Variants in PI16 observed in about 807,000 individuals in gnomAD.
PI16 encodes peptidase inhibitor 16, also known as PSP94-binding protein.
PI16 carries 35 observed loss-of-function variants against 38.0 expected under a neutral mutation model. That is an observed-to-expected ratio of 0.92 (90% CI 0.70 to 1.22). PI16 has a LOEUF of 1.22. Among genes scored for constraint, PI16 ranks in the 50% most tolerant of loss-of-function variants. The pLI, the probability that PI16 is intolerant of heterozygous loss-of-function variation, is 0.00. For missense variants in PI16, 572 were observed against 593.8 expected (o/e 0.96, Z 0.38); for synonymous variants, 275 against 252.9 (o/e 1.09, Z -0.83).
At chr6:36,957,699 G>GAT (rs1282508573) in intron 1 of PI16, among the ~76,000 whole-genome samples, 1 of 152,216 alleles carries the variant, frequency 6.6e-6, no homozygotes, top group Non-Finnish European at 1.5e-5. Flanking sequence ...TGGGGCTCCA[G>GAT]ATATCTAGTC....
intron 1 of PI16, among the ~76,000 whole-genome samples, chr6:36,957,607 G>A (rs1275188858): frequency 6.8e-6 from 1 of 147,284 alleles, no homozygotes; most frequent in Admixed American, 6.9e-5. Context: ...ATGTGGGTGG[G>A]TGCTGAGAGT....
intron 2 of PI16, among the ~76,000 whole-genome samples, chr6:36,960,325 ATGTG>A (rs10664545): frequency 0.064 from 8,914 of 139,902 alleles, 373 homozygotes; most frequent in African/African-American, 0.13. Context: ...TGCAGATAAG[ATGTG>A]TGTGTGTGTG....
Position 36,963,851 on chromosome 6 carries a change from C to G in PI16, c.1299C>G (p.Val433=). Residue 433 remains valine (V), a synonymous_variant, in exon 6 of 7, where the codon GTC becomes GTG. Coordinates refer to ENST00000373674, the MANE Select transcript of PI16 (RefSeq NM_153370.3). ...PGAEGPDKPS[V]VSGLNSGPGH... ...CAGAGGGCCCTGACAAGCCTAGCGTCGTGTCAGGGCTGAACTCGGGCCCTG... is the reference window on the plus strand; with the variant it reads ...CAGAGGGCCCTGACAAGCCTAGCGTGGTGTCAGGGCTGAACTCGGGCCCTG... 6.2e-7 allele frequency: 1 copy of G among 1,612,062 alleles called. No homozygotes were observed. Among genetic ancestry groups the G allele is most frequent in the Middle Eastern group, 1.7e-4 (1 of 6,044 alleles).
intron 1 of PI16, among the ~76,000 whole-genome samples, 200 bp downstream of exon 1, chr6:36,955,131 C>T (rs940124388): frequency 3.3e-5 from 5 of 152,136 alleles, no homozygotes; most frequent in Non-Finnish European, 7.3e-5. Flanking sequence ...CTTTTGCACC[C>T]GCCTAATAAA....
In PI16 at chr6:36,961,985, G is replaced by A. The variant is rs912407065; in HGVS notation, c.592+11G>A. ...AGAACTCCCTCTGTGGTGAGTCCAC[G>A]GGTGGATGGGTAGGGGCAGGGGGTG... On this transcript the variant is annotated intron_variant, in intron 4 of 6. Transcript: ENST00000373674. The A allele has an allele frequency of 6.2e-7, 1 of 1,606,574 alleles. No individual in the cohort carries two copies. Among genetic ancestry groups the A allele is most frequent in the Non-Finnish European group, 8.5e-7 (1 of 1,173,246 alleles).
rs1763157794 is a variant in PI16 at position 36,954,743 on chromosome 6, G to A, written c.-18G>A. The A allele has an allele frequency of 6.2e-7, 1 of 1,604,856 alleles. No homozygotes were observed. The highest frequency in any genetic ancestry group is 1.7e-5 in the Admixed American group (1 of 59,034). ...CTGCCAGACCCCTGGACGGGAGAAGGAGAGACGGCTGGCCACCATGCACGG... is the reference window on the plus strand; with the variant it reads ...CTGCCAGACCCCTGGACGGGAGAAGAAGAGACGGCTGGCCACCATGCACGG... On this transcript the variant is annotated 5_prime_UTR_variant, in exon 1 of 7. Transcript: ENST00000373674.
intron 1 of PI16, among the ~76,000 whole-genome samples, chr6:36,949,611 T>C (rs945195370): frequency 2.0e-5 from 3 of 152,184 alleles, no homozygotes; most frequent in African/African-American, 7.2e-5. Context: ...TCAAATAGCG[T>C]CCCTTTCTCC....
upstream of PI16, among the ~76,000 whole-genome samples, chr6:36,951,583 G>A (rs1456925329): frequency 6.6e-6 from 1 of 152,130 alleles, no homozygotes; most frequent in East Asian, 1.9e-4. Flanking sequence ...TTGTTGTTGA[G>A]TTGTAGGAGT....
At chr6:36,959,710 C>T (rs549803507) in intron 2 of PI16, among the ~76,000 whole-genome samples, 8 of 151,858 alleles carry the variant, frequency 5.3e-5, no homozygotes, top group East Asian at 1.9e-4. Context: ...CCTGTCCCTA[C>T]AAAAAAATAC....
chr6:36,950,647 G>A (rs1463200343), upstream of PI16, among the ~76,000 whole-genome samples: 2 of 151,920 alleles, frequency 1.3e-5, no homozygotes, highest in Non-Finnish European at 2.9e-5. This position sits in a 1 kb window ranked among gnomAD's most constrained non-coding sequence, Gnocchi z 4.2. Flanking sequence ...GGGTTCAAGC[G>A]ATTCTCCTGC....
chr6:36,962,111 C>G lies in PI16; in HGVS notation c.592+137C>G. ...TGGTGGGATGCGACCACCGGGGGCCCCTGGCGGCTCCCTTAGCCCCCCACG... is the reference window on the plus strand; with the variant it reads ...TGGTGGGATGCGACCACCGGGGGCCGCTGGCGGCTCCCTTAGCCCCCCACG... On this transcript the variant is annotated intron_variant, in intron 4 of 6. Coordinates refer to ENST00000373674, the MANE Select transcript of PI16 (RefSeq NM_153370.3). This position sits in a 1 kb window ranked among gnomAD's most constrained non-coding sequence, Gnocchi z 4.1. 3.1e-6 allele frequency: 2 copies of G among 638,852 alleles called. No homozygotes were observed. Among genetic ancestry groups the G allele is most frequent in the Non-Finnish European group, 5.5e-6 (2 of 362,648 alleles). The allele number at this position is 638,852 out of a possible 1,614,324, so 39.6% of individuals were successfully genotyped here. A position where few individuals can be genotyped will look rare whatever the true frequency, so the allele number is the denominator to read the frequency against.
chr6:36,958,144 C>CA (rs1763253606), intron 1 of PI16, among the ~76,000 whole-genome samples: 1 of 152,218 alleles, frequency 6.6e-6, no homozygotes, highest in African/African-American at 2.4e-5. Context: ...CAGCCACCTC[C>CA]CCTCAGGGTC....
At chr6:36,960,139 A>G (rs376981660) in intron 2 of PI16, among the ~76,000 whole-genome samples, 1 of 152,160 alleles carries the variant, frequency 6.6e-6, no homozygotes, top group East Asian at 1.9e-4. Flanking sequence ...AGGGACTAAT[A>G]AAGCAAATTG....
At chr6:36,957,769 C>T (rs1250012178) in intron 1 of PI16, among the ~76,000 whole-genome samples, 1 of 152,204 alleles carries the variant, frequency 6.6e-6, no homozygotes, top group African/African-American at 2.4e-5. Flanking sequence ...GGCCCTGTCT[C>T]AGTCATCAAT....
Position 36,961,860 on chromosome 6 carries a change from C to T in PI16, c.504-26C>T, listed in dbSNP as rs570653586. The T allele has an allele frequency of 5.0e-6, 8 of 1,593,796 alleles. No individual in the cohort carries two copies. In the African/African-American group the frequency reaches 6.7e-5, roughly 13 times the overall value. On this transcript the variant is annotated intron_variant, in intron 3 of 6. Transcript: ENST00000373674. ...GGTTGGGAGGGGTCGACCCCCTCCC[C>T]GCAGCATCCTCCTGACCTCCTGTAG...
In PI16 at chr6:36,961,693, T is replaced by C; in HGVS notation, c.503+133T>C. ...TCTGGAGCAATACTGTCCAGGGAGC[T>C]GTGAAGGCACCAATGGGGGTCTGCT... On this transcript the variant is annotated intron_variant, in intron 3 of 6. Transcript: ENST00000373674. 5.4e-6 allele frequency: 5 copies of C among 928,714 alleles called. No homozygotes were observed. The Admixed American group carries it at 1.0e-4, about 19-fold the overall frequency. 57.5% of individuals were successfully genotyped at this position (928,714 alleles called of 1,614,324 possible). A position where few individuals can be genotyped will look rare whatever the true frequency, so the allele number is the denominator to read the frequency against.
chr6:36,955,422 T>C (rs1763177548), intron 1 of PI16, among the ~76,000 whole-genome samples: 1 of 151,778 alleles, frequency 6.6e-6, no homozygotes, highest in Non-Finnish European at 1.5e-5. Context: ...AGGAGGCAGG[T>C]GCTAAGGAGG....
At chr6:36,951,534 G>A (rs1763099922), upstream of PI16, among the ~76,000 whole-genome samples, 2 of 152,198 alleles carry the variant, frequency 1.3e-5, no homozygotes, top group South Asian at 2.1e-4. Flanking sequence ...ACAAAGTGCT[G>A]AGCCACTGAA....
chr6:36,956,475 A>T (rs1370839444), intron 1 of PI16, among the ~76,000 whole-genome samples: 2 of 152,174 alleles, frequency 1.3e-5, no homozygotes, highest in African/African-American at 4.8e-5. Context: ...CTGAGGGGAT[A>T]TGCTGCTGCC....
Sources: allele counts gnomAD v4.1 joint callset (sites outside exome capture counted in the v4.1 genomes callset), GRCh38; gene constraint gnomAD v4.1.1; non-coding constraint Gnocchi (gnomAD v3.1); transcripts MANE v1.5; gene names NCBI Gene and HGNC (gene_info 2026-07-23, HGNC 2026-07-21).